Variants in TECRL observed in about 807,000 individuals in gnomAD.
TECRL encodes the protein trans-2,3-enoyl-CoA reductase like, also known as trans-2,3-enoyl-CoA reductase-like.
Under a neutral mutation model 52.8 loss-of-function variants are expected in TECRL, and 63 were observed. That is an observed-to-expected ratio of 1.19 (90% CI 0.97 to 1.47). The LOEUF is 1.47. Among genes scored for constraint, TECRL ranks in the 40% most tolerant of loss-of-function variants. TECRL has a pLI of 0.00. For missense variants in TECRL, 482 were observed against 429.6 expected, an observed-to-expected ratio of 1.12 and a Z score of -1.08; for synonymous variants, 164 against 141.9, an observed-to-expected ratio of 1.16 and a Z score of -1.10.
intron 1 of TECRL, among the ~76,000 whole-genome samples, chr4:64,383,593 C>A (rs1722966045): frequency 6.6e-6 from 1 of 151,718 alleles, no homozygotes; most frequent in African/African-American, 2.4e-5. Context: ...CAGTTTAAAT[C>A]TTTTTTATTA....
intron 1 of TECRL, among the ~76,000 whole-genome samples, chr4:64,387,361 G>A (rs774455646): frequency 6.6e-6 from 1 of 152,124 alleles, no homozygotes; most frequent in African/African-American, 2.4e-5. Flanking sequence ...GGATGCAGCT[G>A]CCATAAACAT....
chr4:64,325,410 G>A (rs181952845), intron 3 of TECRL, among the ~76,000 whole-genome samples: 4 of 152,268 alleles, frequency 2.6e-5, no homozygotes, highest in African/African-American at 9.6e-5. Flanking sequence ...AAAGAAGATG[G>A]AAGTGGCTTT....
At chr4:64,402,549 G>A (rs1258535821) in intron 1 of TECRL, among the ~76,000 whole-genome samples, 3 of 152,008 alleles carry the variant, frequency 2.0e-5, no homozygotes, top group African/African-American at 4.8e-5. Flanking sequence ...ACATAAAGGA[G>A]TTGTCATCTC....
chr4:64,383,053 A>G (rs192514983), intron 1 of TECRL, among the ~76,000 whole-genome samples: 14 of 152,198 alleles, frequency 9.2e-5, no homozygotes, highest in African/African-American at 3.4e-4. Flanking sequence ...TGACTTTGCT[A>G]CATATGGTAT....
intron 1 of TECRL, among the ~76,000 whole-genome samples, chr4:64,382,320 C>A (rs1369860743): frequency 1.4e-5 from 2 of 138,660 alleles, no homozygotes; most frequent in African/African-American, 5.5e-5. Context: ...TATATTATAT[C>A]TATATTATAT....
Position 64,278,415 on chromosome 4 carries a change from TTTAAA to T in TECRL, c.*1652_*1656del. On this transcript the variant is annotated 3_prime_UTR_variant, in exon 12 of 12. Coordinates refer to ENST00000381210, the MANE Select transcript of TECRL (RefSeq NM_001010874.5). ...TGTCAAAATAATGAGATTCAAGTAA[TTTAAA>T]TGTCAAAACTTTAAAAAATATTTAC... The T allele has an allele frequency of 4.1e-6, 1 of 245,340 alleles. No individual in the cohort carries two copies. Among genetic ancestry groups the T allele is most frequent in the Non-Finnish European group, 6.5e-6 (1 of 153,520 alleles). The allele number at this position is 245,340 out of a possible 1,614,324, so 15.2% of individuals were successfully genotyped here. A position where few individuals can be genotyped will look rare whatever the true frequency, so the allele number is the denominator to read the frequency against.
At chr4:64,305,285 A>G in intron 6 of TECRL, 47 bp from the exon 7 acceptor site, 2 of 1,528,694 alleles carry the variant, frequency 1.3e-6, no homozygotes, top group Non-Finnish European at 1.8e-6. Context: ...AATATGTAAT[A>G]TATATTTCAA....
chr4:64,381,111 C>A (rs2881941), intron 1 of TECRL, among the ~76,000 whole-genome samples: 134,017 of 151,996 alleles, frequency 0.88, 60,153 homozygotes, highest in East Asian at 1. Flanking sequence ...AAAGTTCTTT[C>A]CCCTTCCTGG....
intron 2 of TECRL, among the ~76,000 whole-genome samples, chr4:64,348,201 T>C (rs1019852830): frequency 4.6e-5 from 7 of 152,246 alleles, no homozygotes; most frequent in Middle Eastern, 3.4e-3. Context: ...TCAGGAAAGA[T>C]ATAATCATGG....
At chr4:64,399,117 T>A (rs577437463) in intron 1 of TECRL, among the ~76,000 whole-genome samples, 2 of 148,908 alleles carry the variant, frequency 1.3e-5, no homozygotes, top group East Asian at 4.1e-4. Flanking sequence ...TCTTCAGTGA[T>A]AAGCATAAAA....
chr4:64,378,014 T>C (rs1722518997), intron 1 of TECRL, among the ~76,000 whole-genome samples: 1 of 152,028 alleles, frequency 6.6e-6, no homozygotes, highest in African/African-American at 2.4e-5. Context: ...CACTAAACTT[T>C]ATTAAAACAA....
downstream of TECRL, chr4:64,277,175 G>T: frequency 1.7e-6 from 1 of 589,396 alleles, no homozygotes; most frequent in South Asian, 2.9e-5. Context: ...TGGAGCAACT[G>T]GCATAAGGGA....
At chr4:64,293,024 T>C (rs1187528951) in intron 8 of TECRL, among the ~76,000 whole-genome samples, 1 of 152,118 alleles carries the variant, frequency 6.6e-6, no homozygotes, top group East Asian at 1.9e-4. Context: ...TTATATCATA[T>C]AATCTTTATT....
At chr4:64,324,379 A>G (rs1718109638) in intron 3 of TECRL, among the ~76,000 whole-genome samples, 1 of 151,996 alleles carries the variant, frequency 6.6e-6, no homozygotes, top group South Asian at 2.1e-4. Flanking sequence ...TAATCTCTCA[A>G]ATATAATCCT....
chr4:64,282,880 T>C lies in TECRL; in HGVS notation c.833-1321A>G, dbSNP rs200461859. On this transcript the variant is annotated intron_variant, in intron 9 of 11. Coordinates refer to ENST00000381210, the MANE Select transcript of TECRL (RefSeq NM_001010874.5). ...TAATACTTACATTCTTCATAAATGT[T>C]CTCTCAACCTATAGTTATTATAATA... Among the ~76,000 whole-genome samples the C allele has an allele frequency of 7.2e-5, 11 of 152,200 alleles. No individual in the cohort carries two copies. In the East Asian group the frequency reaches 2.1e-3, roughly 29 times the overall value.
intron 2 of TECRL, among the ~76,000 whole-genome samples, chr4:64,355,802 A>G (rs1176118085): frequency 2.5e-5 from 2 of 80,358 alleles, no homozygotes; most frequent in African/African-American, 6.3e-5. Flanking sequence ...CTCAAAAAAA[A>G]AAAAGAATAA....
At chr4:64,345,935 T>G (rs375585188) in intron 2 of TECRL, among the ~76,000 whole-genome samples, 1 of 5,230 alleles carries the variant, frequency 1.9e-4, no homozygotes, top group African/African-American at 4.1e-4. Context: ...AAAAAAACAT[T>G]TATCATATCC....
intron 5 of TECRL, among the ~76,000 whole-genome samples, chr4:64,310,266 T>A (rs1396538014): frequency 6.6e-6 from 1 of 152,206 alleles, no homozygotes; most frequent in Non-Finnish European, 1.5e-5. Context: ...ATACTTCGAC[T>A]GAAACAGACA....
chr4:64,333,916 C>A (rs1252081853), intron 2 of TECRL, among the ~76,000 whole-genome samples: 1 of 138,288 alleles, frequency 7.2e-6, no homozygotes, highest in Admixed American at 7.3e-5. Context: ...CCCAGCTACT[C>A]GGGAGGCTGA....
Sources: gnomAD v4.1 joint callset for allele counts (sites outside exome capture counted in the v4.1 genomes callset) on GRCh38, gnomAD v4.1.1 for gene constraint, MANE v1.5 for transcripts, NCBI Gene and HGNC (gene_info 2026-07-23, HGNC 2026-07-21) for gene names.